The following SGK1 variants were observed in gnomAD, a reference collection of about 807,000 sequenced individuals.
SGK1 encodes serine/threonine-protein kinase Sgk1.
Under a neutral mutation model 64.2 loss-of-function variants are expected in SGK1, and 26 were observed. The ratio of observed to expected loss-of-function variants is 0.40; its 90% CI spans 0.30 to 0.56. The LOEUF (loss-of-function observed/expected upper bound fraction) is 0.56. Ranked by LOEUF, SGK1 falls within the 20% of genes least tolerant of loss-of-function variation. The pLI, the probability that SGK1 is intolerant of heterozygous loss-of-function variation, is 0.38. For synonymous variants in SGK1, 265 were observed against 239.7 expected (o/e 1.11, Z -0.98); for missense variants, 519 against 645.6 (o/e 0.80, Z 2.12).
chr6:134,308,057 CTT>C (rs1471501546), intron 1 of SGK1, among the ~76,000 whole-genome samples: 1 of 152,122 alleles, frequency 6.6e-6, no homozygotes, highest in East Asian at 1.9e-4. Flanking sequence ...TTTTTAATGT[CTT>C]TATTTTTATA....
At chr6:134,306,487 T>A (rs1777536959) in intron 1 of SGK1, among the ~76,000 whole-genome samples, 2 of 152,054 alleles carry the variant, frequency 1.3e-5, no homozygotes, top group South Asian at 2.1e-4. Flanking sequence ...CAATCCAAGT[T>A]TCTGGGGAAG....
chr6:134,300,823 G>A (rs1340083040), intron 1 of SGK1, among the ~76,000 whole-genome samples: 1 of 151,706 alleles, frequency 6.6e-6, no homozygotes, highest in African/African-American at 2.4e-5. Flanking sequence ...AGTAGAGAGG[G>A]GGGTTTCACC....
chr6:134,289,794 A>G (rs1777237359), intron 1 of SGK1, among the ~76,000 whole-genome samples: 1 of 151,912 alleles, frequency 6.6e-6, no homozygotes, highest in South Asian at 2.1e-4. Flanking sequence ...TCACTTGAGC[A>G]CAGGAGTTCA....
intron 2 of SGK1, among the ~76,000 whole-genome samples, chr6:134,213,274 C>T (rs1216421960): frequency 6.6e-6 from 1 of 152,080 alleles, no homozygotes; most frequent in East Asian, 1.9e-4. Flanking sequence ...ATAATCCCAG[C>T]ACTTTGGGAG....
intron 1 of SGK1, among the ~76,000 whole-genome samples, chr6:134,269,566 G>A (rs147503233): frequency 2.1e-5 from 3 of 146,286 alleles, no homozygotes; most frequent in African/African-American, 4.9e-5. Flanking sequence ...GCTGAGGCAG[G>A]AGAATCCCTT....
At chr6:134,272,384 C>G (rs1355637565) in intron 1 of SGK1, among the ~76,000 whole-genome samples, 1 of 143,794 alleles carries the variant, frequency 7.0e-6, no homozygotes, top group African/African-American at 2.5e-5. Flanking sequence ...AAACTTCTGA[C>G]CTCAGGTTAT....
chr6:134,205,521 A>T (rs539986203), intron 3 of SGK1, among the ~76,000 whole-genome samples: 154 of 152,018 alleles, frequency 1.0e-3, no homozygotes, highest in African/African-American at 3.6e-3. Context: ...CCTTTTATGA[A>T]GAACAGATTA....
At chr6:134,232,457 A>AAG (rs1491232940) in intron 2 of SGK1, among the ~76,000 whole-genome samples, 2 of 60,772 alleles carry the variant, frequency 3.3e-5, no homozygotes, top group African/African-American at 1.0e-4. Flanking sequence ...GAAAGAAAGA[A>AAG]AGAAAGAAAG....
rs1358328003 is a variant in SGK1, at chr6:134,174,521, C to A, written c.427G>T (p.Ala143Ser). 1 of 1,612,256 alleles carries A rather than the reference C, an allele frequency of 6.2e-7. No individual in the cohort carries two copies. The highest frequency in any genetic ancestry group is 2.2e-5 in the East Asian group (1 of 44,876). Residue 143 changes from alanine (A) to serine (S), a missense_variant, in exon 4 of 14, where the codon GCA becomes TCA. Ala to Ser is a moderately conservative substitution (Grantham distance 99). Coordinates refer to ENST00000367858, the MANE Select transcript of SGK1 (RefSeq NM_001143676.3). ...TCCGGTCAAACTTACTGTTTGCATG[C>A]ATAGGAGTTATTGGCAATCTTCTGA... ...FIQKIANNSY[A>S]CKHPEVQSIL...
intron 1 of SGK1, among the ~76,000 whole-genome samples, chr6:134,279,611 A>C (rs561081912): frequency 1.3e-5 from 2 of 152,222 alleles, no homozygotes; most frequent in East Asian, 1.9e-4. Context: ...ATAACCCAAA[A>C]TGCATTACAT....
chr6:134,200,904 A>T (rs1041947863), intron 3 of SGK1, among the ~76,000 whole-genome samples: 3 of 151,746 alleles, frequency 2.0e-5, no homozygotes, highest in Non-Finnish European at 2.9e-5. Flanking sequence ...ACCTTGTCTC[A>T]AAAACAAAAC....
At chr6:134,299,172 C>A (rs780785930) in intron 1 of SGK1, among the ~76,000 whole-genome samples, 9 of 147,396 alleles carry the variant, frequency 6.1e-5, no homozygotes, top group Non-Finnish European at 1.0e-4. Flanking sequence ...CAGGATAACC[C>A]AGGGAAACCT....
At chr6:134,269,761 G>A (rs1776912180) in intron 1 of SGK1, among the ~76,000 whole-genome samples, 1 of 148,050 alleles carries the variant, frequency 6.8e-6, no homozygotes, top group South Asian at 2.2e-4. Context: ...TGTAATTTAG[G>A]AGAAGGCTCC....
chr6:134,250,263 A>G (rs1743930), intron 2 of SGK1, among the ~76,000 whole-genome samples: 136,978 of 152,222 alleles, frequency 0.9, 61,771 homozygotes, highest in East Asian at 1. Context: ...CTTAAAGAGG[A>G]TTTTAATATG....
At chr6:134,194,646 T>C (rs920746929) in intron 3 of SGK1, among the ~76,000 whole-genome samples, 4 of 151,714 alleles carry the variant, frequency 2.6e-5, no homozygotes, top group African/African-American at 9.7e-5. Context: ...CTCAGTCTCC[T>C]GAGTAGCTGG....
At chr6:134,293,211 A>ATT (rs1777293154) in intron 1 of SGK1, among the ~76,000 whole-genome samples, 1 of 152,182 alleles carries the variant, frequency 6.6e-6, no homozygotes, top group Non-Finnish European at 1.5e-5. Flanking sequence ...ATTGAAAACA[A>ATT]TTTGTATATT....
intron 2 of SGK1, among the ~76,000 whole-genome samples, chr6:134,259,528 C>T (rs531687066): frequency 5.3e-5 from 8 of 151,892 alleles, no homozygotes; most frequent in Non-Finnish European, 1.0e-4. Context: ...CCTGTAATCC[C>T]GGCTACTCAG....
intron 3 of SGK1, 58 bp from the exon 4 acceptor site, chr6:134,174,644 C>CCA (rs746641168): frequency 6.2e-7 from 1 of 1,603,542 alleles, no homozygotes; most frequent in African/African-American, 1.3e-5. Context: ...ACGTCCGGCG[C>CCA]CACACACACT....
chr6:134,314,347 G>A (rs1437517908), intron 1 of SGK1, among the ~76,000 whole-genome samples: 1 of 152,072 alleles, frequency 6.6e-6, no homozygotes, highest in African/African-American at 2.4e-5. Context: ...CACTTGGTTG[G>A]GGGAGGGGGG....
Sources: allele counts gnomAD v4.1 joint callset (sites outside exome capture counted in the v4.1 genomes callset), GRCh38; gene constraint gnomAD v4.1.1; transcripts MANE v1.5; gene names NCBI Gene and HGNC (gene_info 2026-07-23, HGNC 2026-07-21).